Variants in NUMB observed in about 807,000 individuals in gnomAD.
NUMB encodes protein numb homolog.
In NUMB, 29 loss-of-function variants were observed where a neutral mutation model predicts 59.7. The observed-to-expected ratio is 0.49, with a 90% CI of 0.36 to 0.66. The LOEUF (loss-of-function observed/expected upper bound fraction) is 0.66. Among genes scored for constraint, NUMB ranks in the 30% least tolerant of loss-of-function variants. The pLI, the probability that NUMB is intolerant of heterozygous loss-of-function variation, is 0.00. For synonymous variants in NUMB, 288 were observed against 288.2 expected, an observed-to-expected ratio of 1.00 and a Z score of 0.01; for missense variants, 723 against 822.0, an observed-to-expected ratio of 0.88 and a Z score of 1.47.
intron 2 of NUMB, among the ~76,000 whole-genome samples, chr14:73,398,415 A>AGAGAGT (rs1438462148): frequency 0.011 from 1,352 of 118,826 alleles, 16 homozygotes; most frequent in African/African-American, 0.036. Flanking sequence ...AGAGAGAGAG[A>AGAGAGT]GTGTGTGTGT....
intron 1 of NUMB, among the ~76,000 whole-genome samples, chr14:73,450,688 G>A (rs562530496): frequency 1.3e-5 from 2 of 151,996 alleles, no homozygotes; most frequent in African/African-American, 4.8e-5. Context: ...CCAGCTACTC[G>A]GAAGGCAGGA....
intron 1 of NUMB, among the ~76,000 whole-genome samples, chr14:73,414,722 G>C (rs11845277): frequency 0.052 from 7,872 of 150,878 alleles, 665 homozygotes; most frequent in African/African-American, 0.18. Context: ...GGGCGGGTGC[G>C]GGGGGGGCGG....
chr14:73,383,592 A>C (rs1245740182), intron 2 of NUMB, among the ~76,000 whole-genome samples: 1 of 152,214 alleles, frequency 6.6e-6, no homozygotes, highest in African/African-American at 2.4e-5. Context: ...AAAGACATCA[A>C]GCTACAGATC....
chr14:73,363,813 A>T (rs1894203527), intron 3 of NUMB, among the ~76,000 whole-genome samples: 1 of 152,070 alleles, frequency 6.6e-6, no homozygotes. Context: ...GACAGCCATG[A>T]TGGTGCACCC....
chr14:73,333,396 T>A (rs1432976731), intron 4 of NUMB, among the ~76,000 whole-genome samples: 3 of 152,154 alleles, frequency 2.0e-5, no homozygotes, highest in African/African-American at 7.2e-5. Flanking sequence ...TAAATTTCTT[T>A]TTTTTTATTT....
chr14:73,389,574 G>A (rs141678419), intron 2 of NUMB, among the ~76,000 whole-genome samples: 127 of 152,096 alleles, frequency 8.3e-4, no homozygotes, highest in Admixed American at 2.8e-3. Flanking sequence ...TGCCCGCCTC[G>A]GCCTCCCAAA....
intron 1 of NUMB, among the ~76,000 whole-genome samples, chr14:73,446,491 A>G (rs1284950498): frequency 6.6e-6 from 1 of 151,962 alleles, no homozygotes; most frequent in Non-Finnish European, 1.5e-5. Flanking sequence ...CTGTAATCCC[A>G]GCTACTCAGG....
At chr14:73,282,097 A>G in intron 11 of NUMB, 2 of 371,010 alleles carry the variant, frequency 5.4e-6, no homozygotes, top group Admixed American at 4.2e-5. Flanking sequence ...ATAAGGCAGT[A>G]GGTTGGGACT....
intron 6 of NUMB, among the ~76,000 whole-genome samples, chr14:73,304,917 C>T (rs916383681): frequency 3.9e-5 from 6 of 152,006 alleles, no homozygotes; most frequent in African/African-American, 1.2e-4. Context: ...CCTGCCACCA[C>T]GCCCAGCTAT....
chr14:73,328,598 T>A (rs1330947450), intron 4 of NUMB, among the ~76,000 whole-genome samples: 1 of 152,222 alleles, frequency 6.6e-6, no homozygotes, highest in East Asian at 1.9e-4. Flanking sequence ...TTTAAGCCAT[T>A]CTAATAGGTA....
At chr14:73,348,696 C>A (rs1409639041) in intron 4 of NUMB, among the ~76,000 whole-genome samples, 6 of 152,228 alleles carry the variant, frequency 3.9e-5, no homozygotes, top group Non-Finnish European at 5.9e-5. Flanking sequence ...TTATCTTCCA[C>A]GAAACCAGTC....
rs375587823 is a variant in NUMB, at chr14:73,355,695, G to A, written c.57C>T (p.Ala19=). 1.4e-5 allele frequency: 23 copies of A among 1,613,566 alleles called. No homozygotes were observed. The highest frequency in any genetic ancestry group is 1.9e-5 in the Non-Finnish European group (22 of 1,179,716). Residue 19 remains alanine, a synonymous_variant, in exon 4 of 13, where the codon GCC becomes GCT. Transcript: ENST00000555238. The part of the protein sequence containing the change: ...RRKKDVYVPE[A]SRPHQWQTDE... ...CTGTCTGCCACTGATGTGGACGACT[G>A]GCCTCTGGAACATAAACATCCTTCT...
chr14:73,374,199 G>A (rs992010888), intron 2 of NUMB, among the ~76,000 whole-genome samples: 3 of 151,922 alleles, frequency 2.0e-5, no homozygotes, highest in Admixed American at 6.6e-5. Context: ...AAAAATGTTC[G>A]TAGAGAATTT....
At chr14:73,453,755 G>A (rs1049038844) in intron 1 of NUMB, among the ~76,000 whole-genome samples, 4 of 151,868 alleles carry the variant, frequency 2.6e-5, no homozygotes, top group Admixed American at 1.3e-4. Context: ...CTACAGTCGC[G>A]TGCCACCATG....
At chr14:73,355,550 T>G (rs1395538701) in intron 4 of NUMB, 76 bp downstream of exon 4, 3 of 1,351,762 alleles carry the variant, frequency 2.2e-6, no homozygotes, top group Middle Eastern at 1.9e-4. Context: ...TTAATTGTCC[T>G]TATTAATGAG....
intron 2 of NUMB, among the ~76,000 whole-genome samples, chr14:73,404,661 T>C (rs1266665608): frequency 6.6e-6 from 1 of 152,218 alleles, no homozygotes; most frequent in East Asian, 1.9e-4. Context: ...GTGTTAATGT[T>C]AATTTCCTGG....
At chr14:73,423,140 G>A (rs1052846255) in intron 1 of NUMB, among the ~76,000 whole-genome samples, 1 of 151,992 alleles carries the variant, frequency 6.6e-6, no homozygotes, top group Non-Finnish European at 1.5e-5. Context: ...AAACTAAACT[G>A]CTTTACAAAT....
chr14:73,437,783 A>C (rs1898120262), intron 1 of NUMB, among the ~76,000 whole-genome samples: 1 of 152,218 alleles, frequency 6.6e-6, no homozygotes, highest in Non-Finnish European at 1.5e-5. Flanking sequence ...ACATGAAACA[A>C]CAACTTTCTA....
At chr14:73,409,768 C>T (rs1485098483) in intron 2 of NUMB, 169 bp downstream of exon 2, 1 of 152,142 alleles carries the variant, frequency 6.6e-6, no homozygotes, top group Non-Finnish European at 1.5e-5. Flanking sequence ...ACACATTTTA[C>T]AATTAAGGAA....
Sources: allele counts gnomAD v4.1 joint callset (sites outside exome capture counted in the v4.1 genomes callset), GRCh38; gene constraint gnomAD v4.1.1; transcripts MANE v1.5; gene names NCBI Gene and HGNC (gene_info 2026-07-23, HGNC 2026-07-21).